ZSCAN9: variants seen among roughly 807,000 people sequenced by gnomAD.
The protein encoded by ZSCAN9 is zinc finger and SCAN domain containing 9.
In ZSCAN9, 19 loss-of-function variants were observed where a neutral mutation model predicts 23.0. That is an observed-to-expected ratio of 0.83 (90% CI 0.58 to 1.21). The LOEUF is 1.21. ZSCAN9 is among the 50% of genes most tolerant of loss of function. The pLI, the probability that ZSCAN9 is intolerant of heterozygous loss-of-function variation, is 0.00. For missense variants in ZSCAN9, 467 were observed against 471.5 expected (o/e 0.99, Z 0.09); for synonymous variants, 155 against 164.8 (o/e 0.94, Z 0.46).
Position 28,229,472 on chromosome 6 carries a change from C to T in ZSCAN9, c.568+1635C>T, listed in dbSNP as rs559727317. 1.2e-4 allele frequency among the ~76,000 whole-genome samples: 18 copies of T among 152,250 alleles called. 1 individual carries two copies. In the South Asian group the frequency reaches 3.7e-3, roughly 32 times the overall value. ...TATCATTCAACAAGTGTTTATTAAG[C>T]ATCTACTATGGCTGTAGGAGAATAT... On this transcript the variant is annotated intron_variant, in intron 3 of 3. Transcript: ENST00000252207.
intron 1 of ZSCAN9, among the ~76,000 whole-genome samples, chr6:28,225,855 A>G (rs1760100700): frequency 6.6e-6 from 1 of 152,252 alleles, no homozygotes; most frequent in African/African-American, 2.4e-5. Flanking sequence ...GTTAAAGGGC[A>G]TATTCTGGGT....
chr6:28,230,075 T>G (rs1377709273), intron 3 of ZSCAN9, among the ~76,000 whole-genome samples: 1 of 152,160 alleles, frequency 6.6e-6, no homozygotes, highest in Non-Finnish European at 1.5e-5. Flanking sequence ...GCCAGGATGG[T>G]CTCGATCTCC....
At chr6:28,231,145 C>T (rs1760291000) in intron 3 of ZSCAN9, among the ~76,000 whole-genome samples, 1 of 152,068 alleles carries the variant, frequency 6.6e-6, no homozygotes. Flanking sequence ...ATAAATTAGG[C>T]ATAGTAAGAG....
In ZSCAN9 at chr6:28,227,033, C is replaced by T; in HGVS notation, c.-52C>T. The T allele has an allele frequency of 1.3e-6, 2 of 1,551,062 alleles. No individual in the cohort carries two copies. Among genetic ancestry groups the T allele is most frequent in the Admixed American group, 3.9e-5 (2 of 51,602 alleles). On this transcript the variant is annotated 5_prime_UTR_variant, in exon 2 of 4. Coordinates refer to ENST00000252207, the MANE Select transcript of ZSCAN9 (RefSeq NM_006299.5). ...TTAGGCAAGCGCCTCCAAGGTTTGT[C>T]TTGAAGCATAGCTCCAGCTGGAGGG...
intron 1 of ZSCAN9, among the ~76,000 whole-genome samples, chr6:28,225,684 A>G (rs1206314578): frequency 2.0e-5 from 3 of 152,240 alleles, no homozygotes; most frequent in Non-Finnish European, 4.4e-5. Flanking sequence ...AGCCTTCACG[A>G]TGGAGAACCT....
rs1760137013 is a variant in ZSCAN9, at chr6:28,227,157, A to G, written c.73A>G (p.Met25Val). ...VPEAWEELLT[M>V]KVEAKSHLQW... Reference sequence around the variant, plus strand: ...CGAGGCATGGGAAGAACTTCTGACAATGAAAGTGGAAGCAAAAAGTCACCT... The same window carrying G: ...CGAGGCATGGGAAGAACTTCTGACAGTGAAAGTGGAAGCAAAAAGTCACCT... Residue 25 changes from methionine to valine, a missense_variant, in exon 2 of 4, where the codon ATG becomes GTG. Transcript: ENST00000252207. The G allele has an allele frequency of 6.2e-7, 1 of 1,614,112 alleles. No individual in the cohort carries two copies. Among genetic ancestry groups the G allele is most frequent in the African/African-American group, 1.3e-5 (1 of 74,938 alleles).
In ZSCAN9 at chr6:28,227,709, G is replaced by C; in HGVS notation, c.440G>C (p.Arg147Thr). ...CCCCAGATGGTGGCCCACAGACACA[G>C]ACAAGAAGTCCTCTGTAAAGAGATG... ...PQHEMVAHRHRQEVLCKEMVP... is the reference protein window; with the variant it reads ...PQHEMVAHRHTQEVLCKEMVP... The change falls in exon 3 of 4, where the codon AGA becomes ACA. Residue 147 changes from arginine to threonine, a missense_variant. Coordinates refer to ENST00000252207, the MANE Select transcript of ZSCAN9 (RefSeq NM_006299.5). 1.2e-6 allele frequency: 2 copies of C among 1,602,890 alleles called. No homozygotes were observed. Among genetic ancestry groups the C allele is most frequent in the Non-Finnish European group, 1.7e-6 (2 of 1,177,426 alleles).
intron 3 of ZSCAN9, among the ~76,000 whole-genome samples, chr6:28,229,735 A>T (rs1760233395): frequency 6.6e-6 from 1 of 152,200 alleles, no homozygotes. Flanking sequence ...TTTATATAGT[A>T]AAAAATGGAA....
chr6:28,226,014 C>T (rs747299437), intron 1 of ZSCAN9, among the ~76,000 whole-genome samples: 2 of 152,214 alleles, frequency 1.3e-5, no homozygotes, highest in African/African-American at 2.4e-5. Context: ...CAGGTGCTTC[C>T]TGCGTCTGTG....
intron 3 of ZSCAN9, among the ~76,000 whole-genome samples, chr6:28,229,436 A>G (rs970884050): frequency 2.6e-5 from 4 of 152,098 alleles, no homozygotes; most frequent in African/African-American, 9.7e-5. Context: ...CTATCCACTT[A>G]TCTATCCATC....
At chr6:28,231,769 C>G (rs1760308697) in intron 3 of ZSCAN9, among the ~76,000 whole-genome samples, 1 of 151,968 alleles carries the variant, frequency 6.6e-6, no homozygotes, top group African/African-American at 2.4e-5. Context: ...CTGGAATCTT[C>G]CATGTAGTAT....
At chr6:28,229,947 TC>T (rs1760245237) in intron 3 of ZSCAN9, among the ~76,000 whole-genome samples, 1 of 150,834 alleles carries the variant, frequency 6.6e-6, no homozygotes, top group Admixed American at 6.6e-5. Context: ...AAGCTCCGCC[TC>T]CCGGGTTCAT....
At position 28,233,110 on chromosome 6, in the gene ZSCAN9, A is replaced by G. The variant is rs749353194; in HGVS notation, c.1117A>G (p.Lys373Glu). 1.2e-6 allele frequency: 2 copies of G among 1,614,176 alleles called. No homozygotes were observed. Among genetic ancestry groups the G allele is most frequent in the East Asian group, 2.2e-5 (1 of 44,868 alleles). The change falls in exon 4 of 4, where the codon AAA becomes GAA. Residue 373 changes from lysine to glutamate, a missense_variant. Lys to Glu is a moderately conservative substitution (Grantham distance 56, BLOSUM62 1). Coordinates refer to ENST00000252207, the MANE Select transcript of ZSCAN9 (RefSeq NM_006299.5). ...ERPHQCIECG[K>E]SFNRHCNLIR... ...ACCTCACCAGTGCATTGAATGTGGG[A>G]AAAGCTTTAATCGACACTGCAACCT...
At position 28,225,372 on chromosome 6, in the gene ZSCAN9, T is replaced by A. The variant is rs998498852; in HGVS notation, c.-74+6T>A. The A allele has an allele frequency of 1.3e-5, 2 of 151,974 alleles. No individual in the cohort carries two copies. Among genetic ancestry groups the A allele is most frequent in the African/African-American group, 4.8e-5 (2 of 41,356 alleles). 9.4% of individuals were successfully genotyped at this position (151,974 alleles called of 1,614,324 possible). ...CCTTGCGCGTTCCGGGTCTCGTGAG[T>A]TGGCTGTGGGGACCGGGAATGGAGG... On this transcript the variant is annotated splice_donor_region_variant and intron_variant, in intron 1 of 3. Transcript: ENST00000252207.
Position 28,232,769 on chromosome 6 carries a change from G to A in ZSCAN9, c.776G>A (p.Cys259Tyr). 6.2e-7 allele frequency: 1 copy of A among 1,614,246 alleles called. No individual in the cohort carries two copies. Among genetic ancestry groups the A allele is most frequent in the South Asian group, 1.1e-5 (1 of 91,078 alleles). ...GAGGGGCAACACAAATGTGATGAAT[G>A]TGGGAAGAGCTTTACTCAGAGCTCA... The part of the protein sequence containing the change: ...LGEGQHKCDE[C>Y]GKSFTQSSGL... The change falls in exon 4 of 4, where the codon TGT (cysteine) becomes TAT (tyrosine). Residue 259 changes from cysteine to tyrosine, a missense_variant. Physicochemically the swap from Cys to Tyr is radical, Grantham distance 194. Transcript: ENST00000252207.
chr6:28,227,305 A>G lies in ZSCAN9; in HGVS notation c.221A>G (p.Gln74Arg), dbSNP rs1760144325. 3 of 1,614,126 alleles carry G rather than the reference A, an allele frequency of 1.9e-6. No individual in the cohort carries two copies. Among genetic ancestry groups the G allele is most frequent in the African/African-American group, 2.7e-5 (2 of 74,944 alleles). The change falls in exon 2 of 4, where the codon CAG becomes CGG. Residue 74 changes from glutamine to arginine, a missense_variant. Transcript: ENST00000252207. ...PGPREALTRL[Q>R]ELCYQWLRPH... ...CCAAGGGAGGCTCTTACTCGACTCCAGGAACTTTGCTACCAGTGGTTGAGG... is the reference window on the plus strand; with the variant it reads ...CCAAGGGAGGCTCTTACTCGACTCCGGGAACTTTGCTACCAGTGGTTGAGG...
intron 1 of ZSCAN9, among the ~76,000 whole-genome samples, 179 bp downstream of exon 1, chr6:28,225,545 A>G (rs1760093802): frequency 1.3e-5 from 2 of 152,084 alleles, no homozygotes; most frequent in South Asian, 4.1e-4. Context: ...CTGTGGGGAC[A>G]TTGTACAAGA....
At position 28,233,303 on chromosome 6, in the gene ZSCAN9, C is replaced by A; in HGVS notation, c.*125C>A. ...TTGAAACAAATCCTGACTTAAGGCC[C>A]AGGGACTTCCTTAAAGGAAAGTTGG... On this transcript the variant is annotated 3_prime_UTR_variant, in exon 4 of 4. Transcript: ENST00000252207. 4 of 1,477,686 alleles carry A rather than the reference C, an allele frequency of 2.7e-6. No homozygotes were observed. The allele number at this position is 1,477,686 out of a possible 1,614,324, so 91.5% of individuals were successfully genotyped here. A position where few individuals can be genotyped will look rare whatever the true frequency, so the allele number is the denominator to read the frequency against.
rs573473022 is a variant in ZSCAN9, at chr6:28,233,357, T to C, written c.*179T>C. On this transcript the variant is annotated 3_prime_UTR_variant, in exon 4 of 4. Transcript: ENST00000252207. ...TTTGAAGCTACTGTTTTCTCTTTTG[T>C]TCATTTTACCTCTTTCTTACTCTTA... 970 of 1,122,586 alleles carry C rather than the reference T, an allele frequency of 8.6e-4. 2 individuals carry two copies. Among genetic ancestry groups the C allele is most frequent in the Non-Finnish European group, 1.1e-3 (883 of 825,370 alleles). 69.5% of individuals were successfully genotyped at this position (1,122,586 alleles called of 1,614,324 possible). A position where few individuals can be genotyped will look rare whatever the true frequency, so the allele number is the denominator to read the frequency against.
Sources: gnomAD v4.1 joint callset for allele counts (sites outside exome capture counted in the v4.1 genomes callset) on GRCh38, gnomAD v4.1.1 for gene constraint, MANE v1.5 for transcripts, NCBI Gene and HGNC (gene_info 2026-07-23, HGNC 2026-07-21) for gene names.